AUTS2: variants seen among roughly 807,000 people sequenced by gnomAD.
AUTS2 encodes the protein autism susceptibility gene 2 protein.
Under a neutral mutation model 112.4 loss-of-function variants are expected in AUTS2, and 17 were observed. That is an observed-to-expected ratio of 0.15 (90% confidence interval 0.10 to 0.23). The LOEUF (loss-of-function observed/expected upper bound fraction) is 0.23. Among genes scored for constraint, AUTS2 ranks in the 10% least tolerant of loss-of-function variants. The pLI, the probability that AUTS2 is intolerant of heterozygous loss-of-function variation, is 1.00. For synonymous variants in AUTS2, 751 were observed against 702.7 expected, an observed-to-expected ratio of 1.07 and a Z score of -1.09; for missense variants, 1,510 against 1,701.6, an observed-to-expected ratio of 0.89 and a Z score of 1.98.
At chr7:69,911,203 A>G (rs576463945) in intron 2 of AUTS2, among the ~76,000 whole-genome samples, 7 of 152,320 alleles carry the variant, frequency 4.6e-5, no homozygotes, top group East Asian at 1.9e-4. Context: ...TGCTGGCTCC[A>G]TGCAAGGCTG....
At chr7:70,022,937 A>G (rs1047572931) in intron 2 of AUTS2, among the ~76,000 whole-genome samples, 32 of 152,188 alleles carry the variant, frequency 2.1e-4, no homozygotes, top group African/African-American at 7.7e-4. Flanking sequence ...CTGTAACCTC[A>G]AACTTCTGGG....
At chr7:69,955,862 A>G (rs1797191176) in intron 2 of AUTS2, among the ~76,000 whole-genome samples, 1 of 152,134 alleles carries the variant, frequency 6.6e-6, no homozygotes, top group South Asian at 2.1e-4. Context: ...TTTTAAGGGT[A>G]TGCTCAAGTT....
chr7:70,285,671 C>A (rs913306396), intron 4 of AUTS2, among the ~76,000 whole-genome samples: 4 of 152,182 alleles, frequency 2.6e-5, no homozygotes, highest in Non-Finnish European at 5.9e-5. Flanking sequence ...TCATCTGGGT[C>A]ATACATTGAC....
intron 5 of AUTS2, among the ~76,000 whole-genome samples, chr7:70,583,416 A>T (rs1802539030): frequency 6.6e-6 from 1 of 152,156 alleles, no homozygotes; most frequent in African/African-American, 2.4e-5. Flanking sequence ...TCACAACCGC[A>T]GTGATTAGCA....
chr7:69,917,390 AT>A (rs569008097), intron 2 of AUTS2, among the ~76,000 whole-genome samples: 45 of 147,722 alleles, frequency 3.0e-4, no homozygotes, highest in African/African-American at 7.7e-4. Context: ...ACAAATCTGA[AT>A]TTTTTTTTTC....
chr7:70,222,761 A>G (rs1422341891), intron 4 of AUTS2, among the ~76,000 whole-genome samples: 4 of 152,184 alleles, frequency 2.6e-5, no homozygotes, highest in Non-Finnish European at 5.9e-5. Context: ...GTATACAGTA[A>G]GAGGAGAACT....
chr7:69,881,878 G>A (rs923959637), intron 1 of AUTS2, among the ~76,000 whole-genome samples: 2 of 152,162 alleles, frequency 1.3e-5, no homozygotes, highest in Non-Finnish European at 2.9e-5. Flanking sequence ...TGGACCAGGC[G>A]TGGTGGCTCA....
intron 5 of AUTS2, among the ~76,000 whole-genome samples, chr7:70,589,878 A>G (rs1396507586): frequency 6.6e-6 from 1 of 152,150 alleles, no homozygotes; most frequent in Non-Finnish European, 1.5e-5. Context: ...CCCTCAGGAA[A>G]GCATCATCCA....
At chr7:69,881,343 GTGTTCCC>G (rs1794035426) in intron 1 of AUTS2, among the ~76,000 whole-genome samples, 1 of 150,318 alleles carries the variant, frequency 6.7e-6, no homozygotes. Flanking sequence ...TTACATTGAG[GTGTTCCC>G]TAAAAGAATC....
chr7:69,969,063 CAGT>C (rs1002538397), intron 2 of AUTS2, among the ~76,000 whole-genome samples: 1 of 151,538 alleles, frequency 6.6e-6, no homozygotes, highest in Non-Finnish European at 1.5e-5. Context: ...TTTTTTTTCT[CAGT>C]AGATTACTTT....
At position 70,504,699 on chromosome 7, in the gene AUTS2, G is replaced by A. The variant is rs137971197; in HGVS notation, c.690+68918G>A. ...TCTCGAAATCATGAGTTTCCTGCAAGTGTTTGGGGCTTGGTATCCACGTTT... is the reference window on the plus strand; with the variant it reads ...TCTCGAAATCATGAGTTTCCTGCAAATGTTTGGGGCTTGGTATCCACGTTT... On this transcript the variant is annotated intron_variant, in intron 5 of 18. Transcript: ENST00000342771. 9.6e-3 allele frequency among the ~76,000 whole-genome samples: 1,457 copies of A among 152,292 alleles called. 16 individuals are homozygous for A. Among genetic ancestry groups the A allele is most frequent in the African/African-American group, 0.034 (1,394 of 41,554 alleles).
intron 5 of AUTS2, among the ~76,000 whole-genome samples, chr7:70,534,861 A>G (rs1800249012): frequency 6.6e-6 from 1 of 152,148 alleles, no homozygotes; most frequent in Admixed American, 6.5e-5. Flanking sequence ...ATGATTTAGT[A>G]TGATTCACCA....
intron 1 of AUTS2, among the ~76,000 whole-genome samples, chr7:69,852,452 G>C (rs753668333): frequency 6.7e-6 from 1 of 149,224 alleles, no homozygotes; most frequent in Non-Finnish European, 1.5e-5. Context: ...CTTTTTTTTC[G>C]AGACAGAATC....
At chr7:69,852,538 C>T (rs769168442) in intron 1 of AUTS2, among the ~76,000 whole-genome samples, 4 of 152,100 alleles carry the variant, frequency 2.6e-5, no homozygotes, top group Admixed American at 6.5e-5. Flanking sequence ...CTGCAACCTC[C>T]GCCTCCTGGG....
intron 1 of AUTS2, among the ~76,000 whole-genome samples, chr7:69,885,563 C>T (rs907550129): frequency 3.9e-5 from 6 of 152,148 alleles, no homozygotes; most frequent in African/African-American, 1.4e-4. Flanking sequence ...CAACAAAAGA[C>T]CCTAATCTTG....
At chr7:70,425,058 C>T (rs1415218861) in intron 4 of AUTS2, among the ~76,000 whole-genome samples, 1 of 152,170 alleles carries the variant, frequency 6.6e-6, no homozygotes, top group African/African-American at 2.4e-5. Context: ...CACCCCATCT[C>T]TCCTTTAGCT....
chr7:70,712,350 C>T (rs950897472), intron 6 of AUTS2, among the ~76,000 whole-genome samples: 11 of 151,874 alleles, frequency 7.2e-5, no homozygotes, highest in Admixed American at 5.9e-4. Flanking sequence ...GCCCAGTGTC[C>T]TCCACATCTT....
chr7:70,470,180 T>TC (rs1030459810), intron 5 of AUTS2, among the ~76,000 whole-genome samples: 1 of 152,180 alleles, frequency 6.6e-6, no homozygotes, highest in African/African-American at 2.4e-5. Flanking sequence ...TTACCCTCCC[T>TC]CCCCTGCCCA....
At chr7:70,708,953 C>T (rs1183804049) in intron 6 of AUTS2, among the ~76,000 whole-genome samples, 2 of 145,176 alleles carry the variant, frequency 1.4e-5, no homozygotes, top group Non-Finnish European at 3.0e-5. Context: ...AGTCTCACCT[C>T]ATTGCCCAGG....
Sources: allele counts gnomAD v4.1 joint callset (sites outside exome capture counted in the v4.1 genomes callset), GRCh38; gene constraint gnomAD v4.1.1; transcripts MANE v1.5; gene names NCBI Gene and HGNC (gene_info 2026-07-23, HGNC 2026-07-21).